Variants in CTNNA2 observed in about 807,000 individuals in gnomAD.
CTNNA2 encodes catenin alpha-2.
In CTNNA2, 42 loss-of-function variants were observed where a neutral mutation model predicts 101.0. The ratio of observed to expected loss-of-function variants is 0.42; its 90% confidence interval spans 0.32 to 0.54. CTNNA2 has a LOEUF of 0.54. CTNNA2 is among the 20% of genes least tolerant of loss of function. The pLI, the probability that CTNNA2 is intolerant of heterozygous loss-of-function variation, is 0.14. For synonymous variants in CTNNA2, 450 were observed against 456.4 expected (o/e 0.99, Z 0.18); for missense variants, 871 against 1,223.1 (o/e 0.71, Z 4.29).
At chr2:80,073,140 G>A (rs557781989) in intron 7 of CTNNA2, among the ~76,000 whole-genome samples, 1 of 152,358 alleles carries the variant, frequency 6.6e-6, no homozygotes, top group South Asian at 2.1e-4. Flanking sequence ...TAAGGTTGCA[G>A]CCAGTCTTCT....
At chr2:79,403,610 G>A (rs1166584845) in intron 4 of CTNNA2, among the ~76,000 whole-genome samples, 3 of 151,814 alleles carry the variant, frequency 2.0e-5, no homozygotes, top group Non-Finnish European at 4.4e-5. Context: ...CAAAATAAAC[G>A]TGAGTAAAAA....
At chr2:79,797,222 A>C (rs1313976595) in intron 3 of CTNNA2, among the ~76,000 whole-genome samples, 2 of 152,176 alleles carry the variant, frequency 1.3e-5, no homozygotes, top group Non-Finnish European at 2.9e-5. Flanking sequence ...TCCAGTATAA[A>C]GTCAGGTGGA....
At chr2:79,265,926 G>A (rs186854638) in intron 2 of CTNNA2, among the ~76,000 whole-genome samples, 3 of 152,224 alleles carry the variant, frequency 2.0e-5, no homozygotes, top group East Asian at 1.9e-4. Flanking sequence ...AAAGAATATT[G>A]TTTAGCAGAT....
At chr2:80,034,972 G>A (rs967337698) in intron 7 of CTNNA2, among the ~76,000 whole-genome samples, 5 of 152,102 alleles carry the variant, frequency 3.3e-5, no homozygotes, top group Non-Finnish European at 5.9e-5. Flanking sequence ...GAAATAATAC[G>A]TAAAATTTCA....
chr2:79,838,983 G>A (rs547692198), intron 3 of CTNNA2, among the ~76,000 whole-genome samples: 8 of 152,050 alleles, frequency 5.3e-5, no homozygotes, highest in South Asian at 2.1e-4. Context: ...ATTACTGGGC[G>A]CTTACTATGT....
intron 7 of CTNNA2, among the ~76,000 whole-genome samples, chr2:80,243,340 G>A (rs1050725407): frequency 1.3e-5 from 2 of 151,838 alleles, no homozygotes; most frequent in Admixed American, 6.6e-5. Flanking sequence ...TTTATTTGAT[G>A]GTTTCCACGA....
intron 18 of CTNNA2, among the ~76,000 whole-genome samples, chr2:80,623,048 TAAAAA>T (rs367889797): frequency 8.2e-6 from 1 of 121,600 alleles, no homozygotes; most frequent in Non-Finnish European, 1.7e-5. Flanking sequence ...CGCTAGTTTC[TAAAAA>T]AAAAAAAAAA....
chr2:79,447,937 C>G (rs1448687666), intron 4 of CTNNA2, among the ~76,000 whole-genome samples: 6 of 151,898 alleles, frequency 4.0e-5, no homozygotes, highest in African/African-American at 1.2e-4. Context: ...TAAATAATAC[C>G]AAATTATTTT....
At chr2:80,603,386 C>T (rs950915151) in intron 15 of CTNNA2, among the ~76,000 whole-genome samples, 37 of 152,132 alleles carry the variant, frequency 2.4e-4, no homozygotes, top group African/African-American at 8.9e-4. Flanking sequence ...AGCACAAAAA[C>T]ATTTACTGTC....
intron 1 of CTNNA2, among the ~76,000 whole-genome samples, chr2:79,605,194 C>T (rs1419192459): frequency 1.3e-5 from 2 of 152,066 alleles, no homozygotes; most frequent in East Asian, 3.9e-4. Flanking sequence ...ATGGAAACTA[C>T]AATGTCTGCT....
intron 7 of CTNNA2, among the ~76,000 whole-genome samples, chr2:80,081,549 A>G (rs1699149056): frequency 6.6e-6 from 1 of 150,758 alleles, no homozygotes; most frequent in Non-Finnish European, 1.5e-5. Context: ...TTTCCTGTAA[A>G]ATCTCAAACT....
Position 80,322,587 on chromosome 2 carries a change from C to G in CTNNA2, c.1057-70624C>G, listed in dbSNP as rs900995891. On this transcript the variant is annotated intron_variant, in intron 7 of 18. Coordinates refer to ENST00000402739, the MANE Select transcript of CTNNA2 (RefSeq NM_001282597.3). ...GCGCGGCGGCGGAGGCCGCGGGGCC[C>G]CAAGCGCCAGCCTGGCCCCGGCGCA... Among the ~76,000 whole-genome samples the G allele has an allele frequency of 1.5e-4, 23 of 151,690 alleles. No homozygotes were observed. In the East Asian group the frequency reaches 4.3e-3, roughly 28 times the overall value.
At chr2:79,558,166 A>C (rs1450267578) in intron 1 of CTNNA2, among the ~76,000 whole-genome samples, 1 of 151,944 alleles carries the variant, frequency 6.6e-6, no homozygotes, top group African/African-American at 2.4e-5. Flanking sequence ...CTGGGCTAAT[A>C]AAAGCTTAGT....
intron 7 of CTNNA2, among the ~76,000 whole-genome samples, chr2:80,096,143 T>C (rs1438850667): frequency 2.6e-5 from 4 of 151,542 alleles, no homozygotes; most frequent in Admixed American, 2.6e-4. Context: ...GGGCATTTAG[T>C]GCTATAAATT....
At chr2:79,290,627 C>T (rs373834311) in intron 2 of CTNNA2, among the ~76,000 whole-genome samples, 1 of 152,098 alleles carries the variant, frequency 6.6e-6, no homozygotes, top group East Asian at 1.9e-4. Context: ...GAGGAATGCA[C>T]TAGTTTAAGA....
chr2:79,683,487 G>C (rs553218498), intron 2 of CTNNA2, among the ~76,000 whole-genome samples: 1 of 152,172 alleles, frequency 6.6e-6, no homozygotes, highest in Non-Finnish European at 1.5e-5. Context: ...GGCCTCTTTT[G>C]TTTAGAAGTG....
At chr2:80,156,088 G>A (rs962622813) in intron 7 of CTNNA2, among the ~76,000 whole-genome samples, 6 of 152,184 alleles carry the variant, frequency 3.9e-5, no homozygotes, top group African/African-American at 1.4e-4. Context: ...TGTGGATGCT[G>A]TTGGTCCTGG....
rs1676376563 is a variant in CTNNA2 at position 80,302,111 on chromosome 2, C to T, written c.1057-91100C>T. On this transcript the variant is annotated intron_variant, in intron 7 of 18. Transcript: ENST00000402739. The surrounding 1 kb of genome is among the most constrained non-coding windows in gnomAD (Gnocchi z 6.4). Reference sequence around the variant, plus strand: ...ACACAATAAAGCTAAAATGTCAAGTCTCTGGGAGAGATCCCCTTAAAGTTT... The same window carrying T: ...ACACAATAAAGCTAAAATGTCAAGTTTCTGGGAGAGATCCCCTTAAAGTTT... The T allele has an allele frequency of 1.7e-6, 2 of 1,153,946 alleles. No homozygotes were observed. Among genetic ancestry groups the T allele is most frequent in the Non-Finnish European group, 1.2e-6 (1 of 841,844 alleles). 71.5% of individuals were successfully genotyped at this position (1,153,946 alleles called of 1,614,324 possible). A position where few individuals can be genotyped will look rare whatever the true frequency, so the allele number is the denominator to read the frequency against.
At position 80,608,309 on chromosome 2, in the gene CTNNA2, T is replaced by C; in HGVS notation, c.2421T>C (p.Ile807=). The part of the protein sequence containing the change: ...AEVQNLGGEL[I]VSGTGVQSTF... ...TGCAGAATCTGGGAGGAGAGCTCAT[T>C]GTGTCAGGGGTAAGCTGGACTTGGG... is the stretch of plus-strand genomic sequence containing the variant. The change falls in exon 17 of 19, where the codon ATT becomes ATC. Residue 807 remains isoleucine (I), a synonymous_variant. Coordinates refer to ENST00000402739, the MANE Select transcript of CTNNA2 (RefSeq NM_001282597.3). 6.2e-7 allele frequency: 1 copy of C among 1,609,256 alleles called. No individual in the cohort carries two copies. The highest frequency in any genetic ancestry group is 8.5e-7 in the Non-Finnish European group (1 of 1,176,732).
Sources: allele counts gnomAD v4.1 joint callset (sites outside exome capture counted in the v4.1 genomes callset), GRCh38; gene constraint gnomAD v4.1.1; non-coding constraint Gnocchi (gnomAD v3.1); transcripts MANE v1.5; gene names NCBI Gene and HGNC (gene_info 2026-07-23, HGNC 2026-07-21).